MBNL2: variants seen among roughly 807,000 people sequenced by gnomAD.
The protein encoded by MBNL2 is muscleblind like splicing regulator 2, also known as muscleblind-like protein 2.
In MBNL2, 17 loss-of-function variants were observed where a neutral mutation model predicts 41.9. That is an observed-to-expected ratio of 0.41 (90% confidence interval 0.28 to 0.61). MBNL2 has a LOEUF of 0.61. Ranked by LOEUF, MBNL2 falls within the 20% of genes least tolerant of loss-of-function variation. MBNL2 has a pLI of 0.35. For missense variants in MBNL2, 336 were observed against 505.6 expected (o/e 0.66, Z 3.22); for synonymous variants, 195 against 182.9 (o/e 1.07, Z -0.53).
the MBNL2 span, among the ~76,000 whole-genome samples, chr13:97,144,423 CTTTTTT>C: frequency 1.2e-4 from 14 of 118,106 alleles, no homozygotes; most frequent in Admixed American, 1.7e-4. Flanking sequence ...CATGATACTT[CTTTTTT>C]TTTTTTTTTT....
At chr13:97,243,210 G>A (rs2044684048) in intron 1 of MBNL2, among the ~76,000 whole-genome samples, 1 of 152,232 alleles carries the variant, frequency 6.6e-6, no homozygotes, top group Non-Finnish European at 1.5e-5. Context: ...AGTTTAGGTA[G>A]ATGCATTTTC....
intron 2 of MBNL2, among the ~76,000 whole-genome samples, chr13:97,316,886 A>C (rs1325932199): frequency 2.0e-5 from 3 of 152,208 alleles, no homozygotes; most frequent in Non-Finnish European, 4.4e-5. Flanking sequence ...CTGTGTGGAC[A>C]GGGCCATTTG....
chr13:97,250,156 A>G (rs569063033), intron 1 of MBNL2, among the ~76,000 whole-genome samples: 14 of 152,104 alleles, frequency 9.2e-5, no homozygotes, highest in Non-Finnish European at 1.5e-4. Flanking sequence ...CTTAGGTTGA[A>G]TCTTTGTTTT....
At chr13:97,165,507 G>A in the MBNL2 span, among the ~76,000 whole-genome samples, 3 of 152,150 alleles carry the variant, frequency 2.0e-5, no homozygotes, top group African/African-American at 7.2e-5. Flanking sequence ...GGAAGGGAGA[G>A]TGAATCAAAA....
chr13:97,235,195 A>C (rs1440785947), intron 1 of MBNL2, among the ~76,000 whole-genome samples: 1 of 151,944 alleles, frequency 6.6e-6, no homozygotes, highest in Non-Finnish European at 1.5e-5. Context: ...CCAGGCCCCT[A>C]CTCTATCACA....
chr13:97,376,936 T>C (rs1348482988), intron 8 of MBNL2, among the ~76,000 whole-genome samples: 1 of 152,174 alleles, frequency 6.6e-6, no homozygotes, highest in Non-Finnish European at 1.5e-5. Flanking sequence ...CAGGACCTGA[T>C]CACCCATGTC....
chr13:97,142,135 A>G, the MBNL2 span, among the ~76,000 whole-genome samples: 1 of 151,960 alleles, frequency 6.6e-6, no homozygotes, highest in South Asian at 2.1e-4. Context: ...TTTCTCTATC[A>G]ATTAAATTAA....
At chr13:97,158,493 G>A in the MBNL2 span, among the ~76,000 whole-genome samples, 1 of 152,008 alleles carries the variant, frequency 6.6e-6, no homozygotes, top group Non-Finnish European at 1.5e-5. Context: ...ATGTTAGGGT[G>A]TCAATTTTGG....
At chr13:97,247,052 G>C (rs1432145522) in intron 1 of MBNL2, among the ~76,000 whole-genome samples, 1 of 152,110 alleles carries the variant, frequency 6.6e-6, no homozygotes. Flanking sequence ...CCAATTCTTT[G>C]AGTACCTATT....
At chr13:97,147,246 A>G in the MBNL2 span, among the ~76,000 whole-genome samples, 4 of 152,236 alleles carry the variant, frequency 2.6e-5, no homozygotes, top group African/African-American at 4.8e-5. Context: ...TATTCCAGAC[A>G]TAGATACTTA....
chr13:97,279,333 T>G (rs898982784), intron 2 of MBNL2, among the ~76,000 whole-genome samples: 1 of 152,206 alleles, frequency 6.6e-6, no homozygotes, highest in African/African-American at 2.4e-5. Context: ...TTCTCTTATA[T>G]AAAATCGATA....
chr13:97,216,388 A>G, the MBNL2 span, among the ~76,000 whole-genome samples: 1 of 152,062 alleles, frequency 6.6e-6, no homozygotes, highest in Non-Finnish European at 1.5e-5. Flanking sequence ...TGGTTTATAC[A>G]TGAAATAACT....
At chr13:97,372,892 C>T (rs2064523993) in intron 8 of MBNL2, among the ~76,000 whole-genome samples, 1 of 152,164 alleles carries the variant, frequency 6.6e-6, no homozygotes, top group African/African-American at 2.4e-5. Context: ...TATTCAATGC[C>T]ATCTGTCTGG....
At chr13:97,252,276 A>G (rs1329337720) in intron 1 of MBNL2, among the ~76,000 whole-genome samples, 1 of 152,238 alleles carries the variant, frequency 6.6e-6, no homozygotes, top group Non-Finnish European at 1.5e-5. Context: ...TAGTACATGT[A>G]TCCAGATATA....
the MBNL2 span, among the ~76,000 whole-genome samples, chr13:97,213,073 T>G: frequency 6.6e-6 from 1 of 152,146 alleles, no homozygotes; most frequent in Non-Finnish European, 1.5e-5. Context: ...TAACCATGGT[T>G]GTGAGAAACA....
intron 8 of MBNL2, among the ~76,000 whole-genome samples, chr13:97,368,255 G>GA (rs1216763333): frequency 6.6e-6 from 1 of 151,802 alleles, no homozygotes; most frequent in East Asian, 1.9e-4. Context: ...ACAAAAATAT[G>GA]AAAAAAATTA....
chr13:97,257,667 G>C (rs930524066), intron 1 of MBNL2, among the ~76,000 whole-genome samples: 3 of 152,192 alleles, frequency 2.0e-5, no homozygotes, highest in Non-Finnish European at 4.4e-5. Flanking sequence ...TACCTCGTTT[G>C]TTTCAGTCAC....
intron 1 of MBNL2, among the ~76,000 whole-genome samples, chr13:97,265,207 T>A (rs1221718457): frequency 1.3e-5 from 2 of 152,232 alleles, no homozygotes; most frequent in Non-Finnish European, 2.9e-5. Context: ...TTTTGCATGT[T>A]AAAATGAGCC....
At chr13:97,258,613 G>A (rs2048009762) in intron 1 of MBNL2, among the ~76,000 whole-genome samples, 1 of 152,176 alleles carries the variant, frequency 6.6e-6, no homozygotes, top group Non-Finnish European at 1.5e-5. Flanking sequence ...TTCCCACAGT[G>A]TTCAAGTAAG....
Sources: gnomAD v4.1 joint callset for allele counts (sites outside exome capture counted in the v4.1 genomes callset) on GRCh38, gnomAD v4.1.1 for gene constraint, MANE v1.5 for transcripts, NCBI Gene and HGNC (gene_info 2026-07-23, HGNC 2026-07-21) for gene names.